MRC2: variants seen among roughly 807,000 people sequenced by gnomAD.
MRC2 encodes C-type mannose receptor 2.
Under a neutral mutation model 206.2 loss-of-function variants are expected in MRC2, and 84 were observed. The observed-to-expected ratio is 0.41, with a 90% CI of 0.34 to 0.49. The LOEUF is 0.49. MRC2 is among the 20% of genes least tolerant of loss of function. The probability of loss-of-function intolerance (pLI) is 0.31; values close to 1 mark genes in which losing one functional copy is unlikely to be tolerated. For missense variants in MRC2, 1,676 were observed against 2,001.5 expected (o/e 0.84, Z 3.10); for synonymous variants, 798 against 800.0 (o/e 1.00, Z 0.04).
Position 62,692,422 on chromosome 17 carries a change from G to C in MRC2, c.4411G>C (p.Asp1471His), listed in dbSNP as rs749075738. Residue 1471 changes from aspartate to histidine, a missense_variant, in exon 30 of 30, where the codon GAC becomes CAC. By Grantham distance (81) the Asp-to-His change is moderately conservative (BLOSUM62 -1). This residue lies in a region of MRC2 where 1,354 missense variants were observed against 1,636.6 expected (regional missense o/e 0.83). Transcript: ENST00000303375. This position sits in a 1 kb window ranked among gnomAD's most constrained non-coding sequence, Gnocchi z 4.2. ...EATEKNILVS[D>H]MEMNEQQE is the part of the protein sequence containing the mutation. ...CACTGAGAAGAACATCCTGGTGTCA[G>C]ACATGGAAATGAATGAGCAACAAGA... 3.8e-6 allele frequency: 6 copies of C among 1,569,390 alleles called. No homozygotes were observed. Among genetic ancestry groups the C allele is most frequent in the Non-Finnish European group, 5.2e-6 (6 of 1,156,772 alleles).
At position 62,664,847 on chromosome 17, in the gene MRC2, A is replaced by G; in HGVS notation, c.418A>G (p.Asn140Asp). The G allele has an allele frequency of 6.2e-7, 1 of 1,613,782 alleles. No individual in the cohort carries two copies. Among genetic ancestry groups the G allele is most frequent in the Non-Finnish European group, 8.5e-7 (1 of 1,180,026 alleles). Residue 140 changes from asparagine to aspartate, a missense_variant, in exon 2 of 30, where the codon AAC becomes GAC. Asn to Asp is a conservative substitution (Grantham distance 23). Coordinates refer to ENST00000303375, the MANE Select transcript of MRC2 (RefSeq NM_006039.5). This position sits in a 1 kb window ranked among gnomAD's most constrained non-coding sequence, Gnocchi z 4.7. ...CTTGCTCCTGGGGGCCCGCACCAGCAACATATCCAAGCCTGGCACCCTTGA... is the reference window on the plus strand; with the variant it reads ...CTTGCTCCTGGGGGCCCGCACCAGCGACATATCCAAGCCTGGCACCCTTGA... ...LSLLLGARTS[N>D]ISKPGTLERG...
chr17:62,679,657 T>C (rs1350521472), intron 13 of MRC2, 143 bp from the exon 14 acceptor site: 1 of 661,428 alleles, frequency 1.5e-6, no homozygotes, highest in African/African-American at 1.8e-5. Context: ...GCTGTATCGA[T>C]GGGTCAATGT....
chr17:62,638,081 T>G (rs1271345048), intron 1 of MRC2, among the ~76,000 whole-genome samples: 1 of 152,188 alleles, frequency 6.6e-6, no homozygotes, highest in Non-Finnish European at 1.5e-5. Flanking sequence ...CAAGCTGGTC[T>G]CGAACTCCTG....
chr17:62,640,685 ATTTTTT>A (rs869295016), intron 1 of MRC2, among the ~76,000 whole-genome samples: 1 of 135,126 alleles, frequency 7.4e-6, no homozygotes, highest in East Asian at 2.1e-4. Flanking sequence ...CTAATATTTA[ATTTTTT>A]TTTTTTTTTT....
At position 62,675,773 on chromosome 17, in the gene MRC2, G is replaced by A. The variant is rs776871798; in HGVS notation, c.1570-17G>A. On this transcript the variant is annotated splice_polypyrimidine_tract_variant and intron_variant, in intron 9 of 29. Transcript: ENST00000303375. The surrounding 1 kb of genome is among the most constrained non-coding windows in gnomAD (Gnocchi z 4.1). ...TCTTCCCTACAGACACCCCTCTTCT[G>A]TCCACTCTTGAGCCAGGGTTGGACG... 2 of 1,603,132 alleles carry A rather than the reference G, an allele frequency of 1.2e-6. No homozygotes were observed. Among genetic ancestry groups the A allele is most frequent in the Non-Finnish European group, 1.7e-6 (2 of 1,170,060 alleles).
intron 28 of MRC2, among the ~76,000 whole-genome samples, chr17:62,691,546 G>A (rs183697613): frequency 2.1e-3 from 322 of 152,204 alleles, no homozygotes; most frequent in Non-Finnish European, 3.5e-3. Flanking sequence ...GAGGTGGGCG[G>A]ATCACTTGAG....
intron 1 of MRC2, among the ~76,000 whole-genome samples, chr17:62,643,190 T>C (rs142977361): frequency 0.01 from 1,574 of 151,932 alleles, 25 homozygotes; most frequent in African/African-American, 0.035. Context: ...TAGCTGGGCA[T>C]GGCGGCAGGT....
chr17:62,671,194 C>T lies in MRC2; in HGVS notation c.1118-455C>T, dbSNP rs1368783158. ...TCAAGTGATCCTCCCACCTCAGCCT[C>T]CTGAGTAGCGGGACCACAGGCGCAC... On this transcript the variant is annotated intron_variant, in intron 6 of 29. Transcript: ENST00000303375. This position sits in a 1 kb window ranked among gnomAD's most constrained non-coding sequence, Gnocchi z 4.5. Among the ~76,000 whole-genome samples the T allele has an allele frequency of 6.6e-6, 1 of 152,194 alleles. No homozygotes were observed. Among genetic ancestry groups the T allele is most frequent in the Non-Finnish European group, 1.5e-5 (1 of 68,042 alleles).
Position 62,638,769 on chromosome 17 carries a change from T to C in MRC2, c.118+10849T>C, listed in dbSNP as rs1196739653. ...AAAAAAAAAAAAAAGAAAGAAACAA[T>C]TAGCCAGGCGTGGTGGTGGGCGCCT... On this transcript the variant is annotated intron_variant, in intron 1 of 29. Coordinates refer to ENST00000303375, the MANE Select transcript of MRC2 (RefSeq NM_006039.5). Among the ~76,000 whole-genome samples the C allele has an allele frequency of 2.1e-5, 3 of 140,490 alleles. No individual in the cohort carries two copies. In the East Asian group the frequency reaches 6.2e-4, roughly 29 times the overall value. 92.2% of individuals were successfully genotyped at this position (140,490 alleles called of 152,430 possible). A position where few individuals can be genotyped will look rare whatever the true frequency, so the allele number is the denominator to read the frequency against.
chr17:62,692,281 C>T lies in MRC2; in HGVS notation c.4270C>T (p.Leu1424=). The change falls in exon 30 of 30, where the codon CTG becomes TTG. Residue 1424 remains leucine, a synonymous_variant. Coordinates refer to ENST00000303375, the MANE Select transcript of MRC2 (RefSeq NM_006039.5). The surrounding 1 kb of genome is among the most constrained non-coding windows in gnomAD (Gnocchi z 4.2). ...GGTGGTGGTGCTGATGGCGGTGCTG[C>T]TGCTCCTGGCCTTGCTGACCGCAGC... ...ALVVVLMAVL[L]LLALLTAALI... 2 of 1,602,208 alleles carry T rather than the reference C, an allele frequency of 1.2e-6. No individual in the cohort carries two copies. The highest frequency in any genetic ancestry group is 1.7e-6 in the Non-Finnish European group (2 of 1,174,558).
intron 1 of MRC2, among the ~76,000 whole-genome samples, chr17:62,629,066 C>T (rs762345324): frequency 5.3e-5 from 8 of 152,204 alleles, no homozygotes; most frequent in Non-Finnish European, 1.2e-4. Flanking sequence ...CACATTCACA[C>T]CAACCGGAGA....
chr17:62,636,740 C>T (rs1465189562), intron 1 of MRC2, among the ~76,000 whole-genome samples: 1 of 151,944 alleles, frequency 6.6e-6, no homozygotes, highest in Non-Finnish European at 1.5e-5. Context: ...CCAAGTGCTG[C>T]GATTACAGGC....
At chr17:62,651,583 CCTT>C (rs2088556585) in intron 1 of MRC2, among the ~76,000 whole-genome samples, 1 of 151,814 alleles carries the variant, frequency 6.6e-6, no homozygotes. Flanking sequence ...ATTTTTTTCT[CCTT>C]CTTTACGGAG....
At chr17:62,665,558 C>T (rs1329006383) in intron 2 of MRC2, among the ~76,000 whole-genome samples, 1 of 152,140 alleles carries the variant, frequency 6.6e-6, no homozygotes, top group Non-Finnish European at 1.5e-5. Context: ...AATTCCCTTC[C>T]CCCAGGCCCA....
chr17:62,647,650 T>C (rs2088506587), intron 1 of MRC2, among the ~76,000 whole-genome samples: 1 of 152,218 alleles, frequency 6.6e-6, no homozygotes, highest in Non-Finnish European at 1.5e-5. Context: ...TCATTGCTAT[T>C]GTAAATAATG....
chr17:62,680,664 G>T lies in MRC2; in HGVS notation c.2474-136G>T. 7.7e-7 allele frequency: 1 copy of T among 1,292,900 alleles called. No individual in the cohort carries two copies. The highest frequency in any genetic ancestry group is 1.0e-6 in the Non-Finnish European group (1 of 971,274). The allele number at this position is 1,292,900 out of a possible 1,614,324, so 80.1% of individuals were successfully genotyped here. On this transcript the variant is annotated intron_variant, in intron 16 of 29. Transcript: ENST00000303375. This position sits in a 1 kb window ranked among gnomAD's most constrained non-coding sequence, Gnocchi z 4.8. ...CCTGGGGCCTGGGGCCTGGCACGGT[G>T]CCTGCCTGGGTCCGGTGTGCCTGCA...
At chr17:62,663,812 AAGG>A (rs969821690) in intron 1 of MRC2, among the ~76,000 whole-genome samples, 4 of 152,168 alleles carry the variant, frequency 2.6e-5, no homozygotes, top group Non-Finnish European at 1.5e-5. Context: ...CTCCGGATCA[AAGG>A]AGAATTTTGG....
intron 8 of MRC2, 30 bp from the exon 9 acceptor site, chr17:62,674,033 T>A (rs1019028808): frequency 1.3e-6 from 2 of 1,485,500 alleles, no homozygotes; most frequent in Non-Finnish European, 1.8e-6. Context: ...GAGGTGGGGG[T>A]TGAGATTCTT....
In MRC2 at chr17:62,667,565, G is replaced by C. The variant is rs939864062; in HGVS notation, c.1117+32G>C. 6.3e-7 allele frequency: 1 copy of C among 1,576,744 alleles called. No individual in the cohort carries two copies. Among genetic ancestry groups the C allele is most frequent in the Admixed American group, 1.9e-5 (1 of 51,452 alleles). On this transcript the variant is annotated intron_variant, in intron 6 of 29. Transcript: ENST00000303375. The surrounding 1 kb of genome is among the most constrained non-coding windows in gnomAD (Gnocchi z 4.1). ...CAGGGACTGTGCCGCAGGGTGGGGA[G>C]GGGCTCCCAGGGCCAGGGACACAGC...
Sources: allele counts gnomAD v4.1 joint callset (sites outside exome capture counted in the v4.1 genomes callset), GRCh38; gene constraint gnomAD v4.1.1; regional missense constraint gnomAD v4.1.1; non-coding constraint Gnocchi (gnomAD v3.1); transcripts MANE v1.5; gene names NCBI Gene and HGNC (gene_info 2026-07-23, HGNC 2026-07-21).